The following IQGAP1 variants were observed in gnomAD, a reference collection of about 807,000 sequenced individuals.
IQGAP1 encodes the protein ras GTPase-activating-like protein IQGAP1.
A neutral mutation model predicts 215.6 loss-of-function variants in IQGAP1; 66 were observed. The ratio of observed to expected loss-of-function variants is 0.31; its 90% CI spans 0.25 to 0.38. IQGAP1 has a LOEUF of 0.38. IQGAP1 is among the 10% of genes least tolerant of loss of function. The probability of loss-of-function intolerance (pLI) is 1.00; values close to 1 mark genes in which losing one functional copy is unlikely to be tolerated. For synonymous variants in IQGAP1, 772 were observed against 728.7 expected, an observed-to-expected ratio of 1.06 and a Z score of -0.96; for missense variants, 1,712 against 1,997.1, an observed-to-expected ratio of 0.86 and a Z score of 2.72.
intron 33 of IQGAP1, among the ~76,000 whole-genome samples, chr15:90,489,768 A>G (rs1966177784): frequency 6.6e-6 from 1 of 152,226 alleles, no homozygotes; most frequent in African/African-American, 2.4e-5. Context: ...CCAATACTTG[A>G]AACATGTTGA....
At chr15:90,391,630 C>CAACAGGT (rs1460112564) in intron 2 of IQGAP1, 2 of 152,190 alleles carry the variant, frequency 1.3e-5, no homozygotes, top group African/African-American at 2.4e-5. Context: ...GGTGTAGGTC[C>CAACAGGT]ATCTGTTTGG....
intron 15 of IQGAP1, among the ~76,000 whole-genome samples, chr15:90,460,397 TTTAG>T (rs1194580886): frequency 3.9e-5 from 6 of 152,292 alleles, no homozygotes; most frequent in South Asian, 4.1e-4. Context: ...TTATAAGGTT[TTTAG>T]TTAGTCTCTT....
chr15:90,481,192 G>C (rs1596288681), intron 26 of IQGAP1, among the ~76,000 whole-genome samples: 2 of 151,318 alleles, frequency 1.3e-5, no homozygotes, highest in South Asian at 4.2e-4. Context: ...ACTTGTGGCT[G>C]TGTGGTTCCA....
intron 3 of IQGAP1, 46 bp downstream of exon 3, chr15:90,426,312 A>C: frequency 6.4e-7 from 1 of 1,562,286 alleles, no homozygotes; most frequent in Non-Finnish European, 8.6e-7. Context: ...CAACTTGAGA[A>C]AGTTAGCATG....
chr15:90,453,638 C>T (rs1046164657), intron 13 of IQGAP1, among the ~76,000 whole-genome samples: 3 of 152,156 alleles, frequency 2.0e-5, no homozygotes, highest in African/African-American at 7.2e-5. Context: ...AAGATCTAGC[C>T]TAGGAACATG....
intron 22 of IQGAP1, 83 bp from the exon 23 acceptor site, chr15:90,474,402 A>C (rs1965949302): frequency 1.8e-6 from 2 of 1,091,302 alleles, no homozygotes; most frequent in South Asian, 2.5e-5. Context: ...TTATGAATAG[A>C]CTACTTTTTC....
intron 17 of IQGAP1, among the ~76,000 whole-genome samples, chr15:90,466,953 G>T (rs1035894763): frequency 6.6e-6 from 1 of 152,152 alleles, no homozygotes; most frequent in Non-Finnish European, 1.5e-5. Flanking sequence ...TTAGCTGAGT[G>T]TGGTGGCGTG....
At chr15:90,440,415 C>T (rs925442532) in intron 6 of IQGAP1, 87 bp from the exon 7 acceptor site, 41 of 880,180 alleles carry the variant, frequency 4.7e-5, no homozygotes, top group South Asian at 4.5e-4. Flanking sequence ...CATTTTATCC[C>T]ATTGCATAGT....
rs758934218 is a variant in IQGAP1, at chr15:90,388,334, C to G, written c.-8C>G. The G allele has an allele frequency of 1.1e-5, 17 of 1,595,340 alleles. No homozygotes were observed. Among genetic ancestry groups the G allele is most frequent in the African/African-American group, 2.8e-5 (2 of 72,198 alleles). On this transcript the variant is annotated 5_prime_UTR_variant, in exon 1 of 38. Transcript: ENST00000268182. ...GGCTTCCTCAGCAGAGACTCGGGCT[C>G]GTCCGCCATGTCCGCCGCAGACGAG...
chr15:90,450,816 T>G (rs1043403741), intron 11 of IQGAP1, among the ~76,000 whole-genome samples: 14 of 90,572 alleles, frequency 1.5e-4, no homozygotes, highest in Non-Finnish European at 2.3e-4. Context: ...TTTTTTTTTG[T>G]TTTTTTTTTT....
intron 15 of IQGAP1, among the ~76,000 whole-genome samples, chr15:90,462,167 CA>C (rs200987507): frequency 1.3e-5 from 2 of 149,672 alleles, no homozygotes; most frequent in African/African-American, 2.5e-5. Flanking sequence ...GACTCTGTCT[CA>C]AAAAAAAAGA....
chr15:90,469,867 A>G (rs779027339), intron 18 of IQGAP1, among the ~76,000 whole-genome samples: 1 of 152,234 alleles, frequency 6.6e-6, no homozygotes, highest in Non-Finnish European at 1.5e-5. Context: ...GACATGGACC[A>G]CTGAAGGAGA....
In IQGAP1 at chr15:90,477,218, A is replaced by G; in HGVS notation, c.3092A>G (p.Gln1031Arg). The change falls in exon 25 of 38, where the codon CAA becomes CGA. Residue 1031 changes from glutamine to arginine, a missense_variant. Physicochemically the swap from Gln to Arg is conservative, Grantham distance 43. Transcript: ENST00000268182. ...LLLRLFKTALQEEIKSKVDQI... is the reference protein window; with the variant it reads ...LLLRLFKTALREEIKSKVDQI... ...CTGCGGCTCTTTAAGACAGCACTCC[A>G]AGAGGAAATCAAGTATGAACAGATT... The G allele has an allele frequency of 2.5e-6, 4 of 1,614,064 alleles. No individual in the cohort carries two copies. Among genetic ancestry groups the G allele is most frequent in the Non-Finnish European group, 3.4e-6 (4 of 1,179,986 alleles).
chr15:90,467,892 C>T (rs1416974968), intron 18 of IQGAP1, among the ~76,000 whole-genome samples: 1 of 152,110 alleles, frequency 6.6e-6, no homozygotes, highest in Non-Finnish European at 1.5e-5. Context: ...TAATCTCTCC[C>T]AGTTTATATT....
At chr15:90,397,413 A>G (rs1328397514) in intron 2 of IQGAP1, among the ~76,000 whole-genome samples, 1 of 152,048 alleles carries the variant, frequency 6.6e-6, no homozygotes, top group Non-Finnish European at 1.5e-5. Flanking sequence ...AGTGAGCCCA[A>G]ATTTGTCCTT....
Position 90,392,381 on chromosome 15 carries a change from C to G in IQGAP1, c.155+1508C>G, listed in dbSNP as rs143672004. Among the ~76,000 whole-genome samples the G allele has an allele frequency of 9.2e-3, 1,404 of 152,268 alleles. 17 individuals are homozygous for G. Among genetic ancestry groups the G allele is most frequent in the African/African-American group, 0.031 (1,308 of 41,548 alleles). The stretch of plus-strand genomic sequence containing the variant: ...AAAACAAAAACTGTAAGATCTCTGC[C>G]ATTTAAATTGTGGATTTCAAGGTTT... On this transcript the variant is annotated intron_variant, in intron 2 of 37. Coordinates refer to ENST00000268182, the MANE Select transcript of IQGAP1 (RefSeq NM_003870.4).
intron 19 of IQGAP1, 182 bp downstream of exon 19, chr15:90,473,192 A>C: frequency 1.7e-6 from 1 of 582,112 alleles, no homozygotes; most frequent in South Asian, 2.2e-5. Context: ...ACAGGTGTTT[A>C]ATGCTGGCAC....
chr15:90,400,555 G>C (rs903149184), intron 2 of IQGAP1, among the ~76,000 whole-genome samples: 1 of 152,148 alleles, frequency 6.6e-6, no homozygotes, highest in African/African-American at 2.4e-5. Context: ...ATAATCCGTA[G>C]GTGTTGAAAT....
chr15:90,457,162 T>A (rs12913555), intron 15 of IQGAP1, among the ~76,000 whole-genome samples: 2 of 151,794 alleles, frequency 1.3e-5, no homozygotes, highest in Admixed American at 1.3e-4. Context: ...CATTTGGTGG[T>A]AAGCACTATT....
Sources: allele counts gnomAD v4.1 joint callset (sites outside exome capture counted in the v4.1 genomes callset), GRCh38; gene constraint gnomAD v4.1.1; transcripts MANE v1.5; gene names NCBI Gene and HGNC (gene_info 2026-07-23, HGNC 2026-07-21).